The following NBEA variants were observed in gnomAD, a reference collection of about 807,000 sequenced individuals.
NBEA encodes the protein lysosomal-trafficking regulator 2.
NBEA carries 44 observed loss-of-function variants against 343.4 expected under a neutral mutation model. The ratio of observed to expected loss-of-function variants is 0.13; its 90% confidence interval spans 0.10 to 0.16. NBEA has a LOEUF of 0.16. NBEA is among the 10% of genes least tolerant of loss of function. The pLI is 1.00. For synonymous variants in NBEA, 1,175 were observed against 1,238.7 expected (o/e 0.95, Z 1.08); for missense variants, 2,555 against 3,631.3 (o/e 0.70, Z 7.62).
At chr13:35,411,312 G>A (rs570040353) in intron 38 of NBEA, among the ~76,000 whole-genome samples, 12 of 152,256 alleles carry the variant, frequency 7.9e-5, no homozygotes, top group East Asian at 3.9e-4. Flanking sequence ...TTTGTAAGCC[G>A]AACCAGTTGA....
At chr13:35,610,046 C>G (rs534886111) in intron 48 of NBEA, among the ~76,000 whole-genome samples, 5 of 152,206 alleles carry the variant, frequency 3.3e-5, no homozygotes, top group Non-Finnish European at 2.9e-5. Flanking sequence ...CCAGATTCGT[C>G]CACTGAAAAA....
At chr13:35,416,700 T>C (rs1022369556) in intron 38 of NBEA, among the ~76,000 whole-genome samples, 1 of 152,102 alleles carries the variant, frequency 6.6e-6, no homozygotes. Flanking sequence ...AAATTCTCTC[T>C]TTTTTGTTGT....
intron 18 of NBEA, among the ~76,000 whole-genome samples, chr13:35,147,394 G>A (rs1314418496): frequency 6.6e-6 from 1 of 152,214 alleles, no homozygotes; most frequent in Admixed American, 6.5e-5. Flanking sequence ...AAAGGTACAT[G>A]CACCTGATGA....
chr13:35,483,662 T>G (rs1266361168), intron 41 of NBEA, among the ~76,000 whole-genome samples: 2 of 152,052 alleles, frequency 1.3e-5, no homozygotes, highest in Admixed American at 6.6e-5. Context: ...TTTTATTTCT[T>G]CCCCCAAGAT....
chr13:35,053,682 C>T (rs2063144704), intron 6 of NBEA, among the ~76,000 whole-genome samples: 1 of 151,916 alleles, frequency 6.6e-6, no homozygotes, highest in Non-Finnish European at 1.5e-5. Context: ...TGAATGAATG[C>T]CTTTGAAAGG....
intron 35 of NBEA, among the ~76,000 whole-genome samples, chr13:35,296,118 G>A (rs1377230726): frequency 2.0e-5 from 3 of 151,822 alleles, no homozygotes; most frequent in Non-Finnish European, 2.9e-5. Flanking sequence ...AAGCCTGATC[G>A]CGGTGGCTCA....
intron 13 of NBEA, among the ~76,000 whole-genome samples, chr13:35,112,368 A>ATAT (rs1458613570): frequency 6.6e-6 from 1 of 152,082 alleles, no homozygotes; most frequent in Admixed American, 6.6e-5. Context: ...TTAATAATAC[A>ATAT]TATAATGTAA....
At chr13:35,083,450 A>T (rs1472920487) in intron 10 of NBEA, among the ~76,000 whole-genome samples, 1 of 152,130 alleles carries the variant, frequency 6.6e-6, no homozygotes, top group Non-Finnish European at 1.5e-5. Flanking sequence ...GTGGGGGCCA[A>T]TATTCAAAAT....
At chr13:35,243,606 A>G (rs2030697854) in intron 34 of NBEA, among the ~76,000 whole-genome samples, 2 of 151,920 alleles carry the variant, frequency 1.3e-5, no homozygotes, top group African/African-American at 4.8e-5. Flanking sequence ...AAAACAGAAC[A>G]GGGATGTTTA....
At chr13:35,112,253 C>G (rs1051864092) in intron 13 of NBEA, among the ~76,000 whole-genome samples, 2 of 151,944 alleles carry the variant, frequency 1.3e-5, no homozygotes, top group Non-Finnish European at 2.9e-5. Flanking sequence ...TATTTATACT[C>G]AGATCTGTTG....
intron 49 of NBEA, among the ~76,000 whole-genome samples, chr13:35,638,460 A>C (rs1480816659): frequency 1.3e-5 from 2 of 152,172 alleles, no homozygotes; most frequent in Admixed American, 1.3e-4. Context: ...CTGGCCAGGC[A>C]CTGCCAAAAC....
chr13:35,571,414 C>G (rs2080414484), intron 45 of NBEA, among the ~76,000 whole-genome samples: 1 of 152,140 alleles, frequency 6.6e-6, no homozygotes, highest in African/African-American at 2.4e-5. Context: ...AGGCTTCGCT[C>G]AAATATTTGT....
At chr13:35,295,939 CTT>C (rs1426332225) in intron 35 of NBEA, among the ~76,000 whole-genome samples, 1 of 152,108 alleles carries the variant, frequency 6.6e-6, no homozygotes, top group Non-Finnish European at 1.5e-5. Context: ...GAGTCAGTCT[CTT>C]TTATGTTATA....
At chr13:35,445,795 T>C (rs1262666349) in intron 39 of NBEA, among the ~76,000 whole-genome samples, 4 of 80,346 alleles carry the variant, frequency 5.0e-5, no homozygotes, top group African/African-American at 2.6e-4. Flanking sequence ...TATATATATA[T>C]ATATATATAT....
chr13:35,596,624 T>TA (rs1447553500), intron 47 of NBEA, among the ~76,000 whole-genome samples: 11 of 152,116 alleles, frequency 7.2e-5, no homozygotes, highest in Admixed American at 3.9e-4. Context: ...GTTTTTACTT[T>TA]ATTATTATTT....
chr13:35,556,032 T>C (rs1302772289), intron 44 of NBEA, among the ~76,000 whole-genome samples: 1 of 151,998 alleles, frequency 6.6e-6, no homozygotes, highest in East Asian at 1.9e-4. Context: ...CAAAACTTGA[T>C]TTGTCCACAA....
chr13:35,096,118 A>G (rs1490784611), intron 10 of NBEA, among the ~76,000 whole-genome samples: 1 of 151,706 alleles, frequency 6.6e-6, no homozygotes, highest in Non-Finnish European at 1.5e-5. Flanking sequence ...TTGTTAAATT[A>G]TGTTTGAAAA....
intron 45 of NBEA, among the ~76,000 whole-genome samples, chr13:35,570,242 G>A (rs1285687921): frequency 1.3e-5 from 2 of 152,124 alleles, no homozygotes; most frequent in African/African-American, 2.4e-5. Flanking sequence ...CACTATGTTG[G>A]CCAGGCTCGT....
chr13:35,373,277 T>G (rs1030849933), intron 38 of NBEA, among the ~76,000 whole-genome samples: 1 of 152,192 alleles, frequency 6.6e-6, no homozygotes, highest in African/African-American at 2.4e-5. Context: ...ATTTTGGTTC[T>G]TCTTTGTGGA....
Sources: gnomAD v4.1 joint callset for allele counts (sites outside exome capture counted in the v4.1 genomes callset) on GRCh38, gnomAD v4.1.1 for gene constraint, MANE v1.5 for transcripts, NCBI Gene and HGNC (gene_info 2026-07-23, HGNC 2026-07-21) for gene names.